TRIM36: variants seen among roughly 807,000 people sequenced by gnomAD.
TRIM36 encodes the protein E3 ubiquitin-protein ligase TRIM36.
A neutral mutation model predicts 72.4 loss-of-function variants in TRIM36; 42 were observed. The ratio of observed to expected loss-of-function variants is 0.58; its 90% CI spans 0.45 to 0.75. The LOEUF is 0.75. Ranked by LOEUF, TRIM36 falls within the 30% of genes least tolerant of loss-of-function variation. The pLI, the probability that TRIM36 is intolerant of heterozygous loss-of-function variation, is 0.00. For synonymous variants in TRIM36, 315 were observed against 282.8 expected (o/e 1.11, Z -1.14); for missense variants, 913 against 857.1 (o/e 1.07, Z -0.81).
chr5:115,158,629 T>A (rs1397123634), intron 2 of TRIM36, among the ~76,000 whole-genome samples: 1 of 152,240 alleles, frequency 6.6e-6, no homozygotes, highest in Non-Finnish European at 1.5e-5. Flanking sequence ...TGCTGCCACC[T>A]TAATGCTTCT....
intron 2 of TRIM36, among the ~76,000 whole-genome samples, 143 bp downstream of exon 2, chr5:115,163,364 TGGGGGAGGCCC>T (rs2126931790): frequency 6.6e-6 from 1 of 152,340 alleles, no homozygotes; most frequent in African/African-American, 2.4e-5. Context: ...ATTTTAACAG[TGGGGGAGGCCC>T]CTTTATAACT....
At chr5:115,144,303 C>G (rs1580664727) in intron 4 of TRIM36, among the ~76,000 whole-genome samples, 1 of 152,150 alleles carries the variant, frequency 6.6e-6, no homozygotes, top group Admixed American at 6.5e-5. Context: ...CATCCATTAT[C>G]ATAGACATTG....
At chr5:115,169,937 G>C, upstream of TRIM36, 4 of 1,247,982 alleles carry the variant, frequency 3.2e-6, no homozygotes, top group East Asian at 3.4e-5. Context: ...GCAGAGACCT[G>C]GGCGGGGCAC....
At position 115,126,549 on chromosome 5, in the gene TRIM36, T is replaced by G. The variant is rs1469557608; in HGVS notation, c.2105A>C (p.Glu702Ala). The change falls in exon 10 of 10, where the codon GAA becomes GCA. Residue 702 changes from glutamate (E) to alanine (A), a missense_variant. Glu to Ala is a moderately radical substitution (Grantham distance 107). Coordinates refer to ENST00000513154, the MANE Select transcript of TRIM36 (RefSeq NM_001300759.2). Reference protein sequence around the residue: ...ALMGSGGIQLEEPITAKYLEY... With the variant: ...ALMGSGGIQLAEPITAKYLEY... ...CAGATATTTTGCTGTGATGGGTTCT[T>G]CAAGCTGAATTCCTCCACTGCCCAT... is the stretch of plus-strand genomic sequence containing the variant. The G allele has an allele frequency of 6.2e-7, 1 of 1,613,058 alleles. No homozygotes were observed. Among genetic ancestry groups the G allele is most frequent in the South Asian group, 1.1e-5 (1 of 91,046 alleles).
intron 9 of TRIM36, among the ~76,000 whole-genome samples, chr5:115,127,287 G>A (rs12655203): frequency 0.15 from 22,730 of 152,282 alleles, 1,999 homozygotes; most frequent in Non-Finnish European, 0.19. Context: ...TCAGTTGGGT[G>A]CAGTGGCTCA....
chr5:115,129,805 A>AT (rs913452486), intron 9 of TRIM36, among the ~76,000 whole-genome samples: 4 of 152,052 alleles, frequency 2.6e-5, no homozygotes, highest in African/African-American at 7.2e-5. Context: ...CATGTTCCCC[A>AT]TTTTTTTCAA....
intron 9 of TRIM36, 118 bp downstream of exon 9, chr5:115,130,474 G>A: frequency 1.7e-5 from 20 of 1,203,318 alleles, no homozygotes; most frequent in Admixed American, 2.8e-5. Context: ...TCAAGCCACA[G>A]CCAAAATACT....
intron 3 of TRIM36, among the ~76,000 whole-genome samples, 180 bp from the exon 4 acceptor site, chr5:115,144,924 T>C (rs1017060980): frequency 1.3e-5 from 2 of 152,234 alleles, no homozygotes; most frequent in Non-Finnish European, 2.9e-5. Flanking sequence ...GAATTACTAT[T>C]TTTCAATTTG....
intron 5 of TRIM36, among the ~76,000 whole-genome samples, chr5:115,140,467 T>A (rs114582966): frequency 3.0e-4 from 46 of 152,302 alleles, no homozygotes; most frequent in African/African-American, 1.1e-3. Context: ...GTATAAAGAC[T>A]AATGAATCTT....
At chr5:115,155,852 G>C (rs540965640) in intron 2 of TRIM36, among the ~76,000 whole-genome samples, 1 of 152,100 alleles carries the variant, frequency 6.6e-6, no homozygotes, top group South Asian at 2.1e-4. Context: ...TCGGTAAAAA[G>C]GAAGTCAAAC....
intron 7 of TRIM36, among the ~76,000 whole-genome samples, chr5:115,136,552 C>G (rs527292704): frequency 1.3e-5 from 2 of 152,202 alleles, no homozygotes; most frequent in African/African-American, 4.8e-5. Flanking sequence ...GTCCAAGAAA[C>G]TCACATACAC....
chr5:115,135,959 G>C (rs2974531), intron 7 of TRIM36, among the ~76,000 whole-genome samples: 150,866 of 152,188 alleles, frequency 0.99, 74,789 homozygotes, highest in Middle Eastern at 1. Flanking sequence ...ATATATCTTT[G>C]TAGTGTTCAC....
At position 115,134,027 on chromosome 5, in the gene TRIM36, T is replaced by C. The variant is rs17137481; in HGVS notation, c.1331A>G (p.Asn444Ser). The change falls in exon 8 of 10, where the codon AAT becomes AGT. Residue 444 changes from asparagine (N) to serine (S), a missense_variant. Physicochemically the swap from Asn to Ser is conservative, Grantham distance 46. Coordinates refer to ENST00000513154, the MANE Select transcript of TRIM36 (RefSeq NM_001300759.2). ...DSYVLEYRKI[N>S]RDDEMSWNEI... is the part of the protein sequence containing the mutation. ...ATTCCATGACATTTCATCATCTCTA[T>C]TGATTTTCCGATATTCAAGAACATA... is the stretch of plus-strand genomic sequence containing the variant. 0.075 allele frequency: 120,784 copies of C among 1,613,686 alleles called. 8,630 individuals carry two copies. The highest frequency in any genetic ancestry group is 0.33 in the East Asian group (14,949 of 44,816).
At chr5:115,129,664 T>C (rs1752544838) in intron 9 of TRIM36, among the ~76,000 whole-genome samples, 1 of 152,204 alleles carries the variant, frequency 6.6e-6, no homozygotes, top group Non-Finnish European at 1.5e-5. Context: ...GAAAAAAGCA[T>C]GTTTCATTCT....
In TRIM36 at chr5:115,133,738, G is replaced by C. The variant is rs1003655479; in HGVS notation, c.1498+122C>G. ...AGCTGGGATAGAAGCTACTTTTCTG[G>C]AGTCTTTTAAAAACAAGAGCTGGTT... On this transcript the variant is annotated intron_variant, in intron 8 of 9. Transcript: ENST00000513154. 19 of 967,272 alleles carry C rather than the reference G, an allele frequency of 2.0e-5. No individual in the cohort carries two copies. In the African/African-American group the frequency reaches 3.2e-4, roughly 16 times the overall value. 59.9% of individuals were successfully genotyped at this position (967,272 alleles called of 1,614,324 possible). A position where few individuals can be genotyped will look rare whatever the true frequency, so the allele number is the denominator to read the frequency against.
At chr5:115,132,431 G>A (rs2112778125) in intron 8 of TRIM36, among the ~76,000 whole-genome samples, 1 of 151,588 alleles carries the variant, frequency 6.6e-6, no homozygotes, top group East Asian at 1.9e-4. Flanking sequence ...TACTACTCAG[G>A]AAGCTGAGGC....
chr5:115,159,632 A>AT (rs1561441669), intron 2 of TRIM36: 1 of 454,102 alleles, frequency 2.2e-6, no homozygotes, highest in Admixed American at 2.4e-5. Context: ...GCAATAAAAC[A>AT]TTTTCTACCT....
rs1755010945 is a variant in TRIM36, at chr5:115,169,894, G to A, written c.-260C>T. On this transcript the variant is annotated 5_prime_UTR_variant, in exon 1 of 10. Coordinates refer to ENST00000513154, the MANE Select transcript of TRIM36 (RefSeq NM_001300759.2). ...CGCCCAGCTGCCGGCTGCAGCAGCG[G>A]CTCCTGCGGACTGCGGCTGGGAACG... 2.3e-6 allele frequency: 3 copies of A among 1,298,364 alleles called. No homozygotes were observed. Among genetic ancestry groups the A allele is most frequent in the Non-Finnish European group, 2.9e-6 (3 of 1,022,582 alleles). The allele number at this position is 1,298,364 out of a possible 1,614,324, so 80.4% of individuals were successfully genotyped here.
intron 8 of TRIM36, among the ~76,000 whole-genome samples, chr5:115,132,550 G>GAAA (rs11290682): frequency 2.7e-5 from 3 of 110,864 alleles, no homozygotes; most frequent in Non-Finnish European, 5.3e-5. Flanking sequence ...CCTCCAAAAA[G>GAAA]AAAAAAAAAA....
Sources: gnomAD v4.1 joint callset for allele counts (sites outside exome capture counted in the v4.1 genomes callset) on GRCh38, gnomAD v4.1.1 for gene constraint, MANE v1.5 for transcripts, NCBI Gene and HGNC (gene_info 2026-07-23, HGNC 2026-07-21) for gene names.